The following VIPR2 variants were observed in gnomAD, a reference collection of about 807,000 sequenced individuals.
VIPR2 encodes the protein vasoactive intestinal peptide receptor 2, also known as vasoactive intestinal polypeptide receptor 2.
VIPR2 carries 48 observed loss-of-function variants against 58.0 expected under a neutral mutation model. That is an observed-to-expected ratio of 0.83 (90% CI 0.66 to 1.05). VIPR2 has a LOEUF of 1.05. VIPR2 is among the 50% of genes least tolerant of loss of function. VIPR2 has a pLI of 0.00. For missense variants in VIPR2, 534 were observed against 558.0 expected (o/e 0.96, Z 0.43); for synonymous variants, 243 against 235.2 (o/e 1.03, Z -0.30).
At chr7:159,044,323 A>G (rs986337808) in intron 5 of VIPR2, among the ~76,000 whole-genome samples, 3 of 152,308 alleles carry the variant, frequency 2.0e-5, no homozygotes, top group African/African-American at 7.2e-5. Flanking sequence ...AAACAGCTAC[A>G]ACCGGCAGCA....
intron 5 of VIPR2, among the ~76,000 whole-genome samples, chr7:159,051,075 G>A (rs1585366384): frequency 6.6e-6 from 1 of 152,180 alleles, no homozygotes; most frequent in Non-Finnish European, 1.5e-5. Context: ...ATTCACTGCT[G>A]GTGGGACTGT....
chr7:159,122,502 G>T (rs958484444), intron 2 of VIPR2, among the ~76,000 whole-genome samples: 18 of 152,156 alleles, frequency 1.2e-4, no homozygotes, highest in African/African-American at 4.1e-4. Context: ...AACAGGCCTG[G>T]CAACAAAGGA....
intron 4 of VIPR2, among the ~76,000 whole-genome samples, chr7:159,062,485 C>T (rs1166252048): frequency 6.6e-6 from 1 of 152,118 alleles, no homozygotes; most frequent in Non-Finnish European, 1.5e-5. Flanking sequence ...AAGCTGCAGA[C>T]CTTCACGGTG....
intron 4 of VIPR2, among the ~76,000 whole-genome samples, chr7:159,082,150 A>G (rs1856937669): frequency 6.6e-6 from 1 of 152,342 alleles, no homozygotes; most frequent in East Asian, 1.9e-4. Context: ...ATGCTGCTAT[A>G]AAGACACATG....
At chr7:159,045,351 C>G (rs1854581317) in intron 5 of VIPR2, among the ~76,000 whole-genome samples, 1 of 152,186 alleles carries the variant, frequency 6.6e-6, no homozygotes, top group Non-Finnish European at 1.5e-5. Flanking sequence ...TTCAAACTTA[C>G]TACAGACTAC....
intron 4 of VIPR2, among the ~76,000 whole-genome samples, chr7:159,075,193 TG>T (rs900663546): frequency 2.6e-5 from 4 of 152,198 alleles, no homozygotes; most frequent in Admixed American, 1.3e-4. Context: ...GACCTTTGCC[TG>T]TGAGTCAATG....
intron 4 of VIPR2, among the ~76,000 whole-genome samples, chr7:159,088,852 C>T (rs1293741998): frequency 2.8e-5 from 4 of 145,188 alleles, no homozygotes; most frequent in African/African-American, 5.0e-5. Context: ...TAGCCTCAGG[C>T]CTCAGCTCCT....
intron 4 of VIPR2, chr7:159,059,262 T>A (rs994696933): frequency 2.1e-6 from 1 of 470,906 alleles, no homozygotes; most frequent in Non-Finnish European, 4.4e-6. Flanking sequence ...CCAGTGCCTG[T>A]TGCGATAAAA....
chr7:159,084,369 G>C (rs1857064685), intron 4 of VIPR2, among the ~76,000 whole-genome samples: 1 of 152,222 alleles, frequency 6.6e-6, no homozygotes, highest in Non-Finnish European at 1.5e-5. Flanking sequence ...GCACGCTGGA[G>C]GGCAGTGCCG....
rs1464023296 is a variant in VIPR2 at position 159,093,924 on chromosome 7, TG to T, written c.357+9832del. 6.6e-6 allele frequency among the ~76,000 whole-genome samples: 1 copy of T among 152,150 alleles called. No individual in the cohort carries two copies. Among genetic ancestry groups the T allele is most frequent in the Non-Finnish European group, 1.5e-5 (1 of 68,018 alleles). On this transcript the variant is annotated intron_variant, in intron 4 of 12. Coordinates refer to ENST00000262178, the MANE Select transcript of VIPR2 (RefSeq NM_003382.5). The surrounding 1 kb of genome is among the most constrained non-coding windows in gnomAD (Gnocchi z 6.7). ...CCCTCGTGACTCCCTCTTTCAGGGC[TG>T]GTGGTCATGTCTGCGTGATGGAAAG... is the stretch of plus-strand genomic sequence containing the variant.
At chr7:159,081,801 G>T (rs1188441185) in intron 4 of VIPR2, among the ~76,000 whole-genome samples, 1 of 152,098 alleles carries the variant, frequency 6.6e-6, no homozygotes, top group Non-Finnish European at 1.5e-5. Flanking sequence ...AAAAGTGAGC[G>T]AAGGATATGA....
At chr7:159,032,515 G>T (rs1435654610) in intron 10 of VIPR2, among the ~76,000 whole-genome samples, 1 of 152,220 alleles carries the variant, frequency 6.6e-6, no homozygotes, top group African/African-American at 2.4e-5. Flanking sequence ...CCTGCAGCTC[G>T]TAACAGCTGG....
chr7:159,038,695 C>G lies in VIPR2; in HGVS notation c.598-1793G>C, dbSNP rs531524140. 4.6e-5 allele frequency among the ~76,000 whole-genome samples: 7 copies of G among 152,228 alleles called. No homozygotes were observed. The South Asian group carries it at 1.5e-3, about 32-fold the overall frequency. On this transcript the variant is annotated intron_variant, in intron 6 of 12. Coordinates refer to ENST00000262178, the MANE Select transcript of VIPR2 (RefSeq NM_003382.5). ...CATCTTAAACACAAGGAGTAAACTG[C>G]AGATGAACCAAGACACAAATGAACA... is the stretch of plus-strand genomic sequence containing the variant.
At chr7:159,040,127 G>A (rs1854232796) in intron 6 of VIPR2, among the ~76,000 whole-genome samples, 1 of 152,242 alleles carries the variant, frequency 6.6e-6, no homozygotes, top group African/African-American at 2.4e-5. Context: ...CACTGAGGAA[G>A]GGAGGTCTGG....
intron 4 of VIPR2, 51 bp downstream of exon 4, chr7:159,103,706 G>A (rs776696987): frequency 7.2e-7 from 1 of 1,383,848 alleles, no homozygotes; most frequent in Admixed American, 1.7e-5. Flanking sequence ...GGCTTCTGGT[G>A]CAGTGTTAGG....
chr7:159,122,943 G>A (rs559299368), intron 2 of VIPR2, among the ~76,000 whole-genome samples: 3 of 152,192 alleles, frequency 2.0e-5, no homozygotes, highest in Admixed American at 2.0e-4. Context: ...CATTGCCCAG[G>A]TATTAAACCC....
chr7:159,067,934 AG>A (rs1436053277), intron 4 of VIPR2, among the ~76,000 whole-genome samples: 2 of 152,256 alleles, frequency 1.3e-5, no homozygotes, highest in African/African-American at 4.8e-5. Flanking sequence ...CTGTCAGGGC[AG>A]GAAGGGCAGG....
At chr7:159,062,730 A>C (rs187513826) in intron 4 of VIPR2, among the ~76,000 whole-genome samples, 1,528 of 152,306 alleles carry the variant, frequency 0.01, 14 homozygotes, top group East Asian at 0.018. Flanking sequence ...GCCACAGCAC[A>C]TAAGGAGACC....
chr7:159,078,485 C>T (rs1235771685), intron 4 of VIPR2, among the ~76,000 whole-genome samples: 2 of 152,200 alleles, frequency 1.3e-5, no homozygotes, highest in East Asian at 3.8e-4. Context: ...TCCACCAGAT[C>T]TAAGAAGTTT....
Sources: gnomAD v4.1 joint callset for allele counts (sites outside exome capture counted in the v4.1 genomes callset) on GRCh38, gnomAD v4.1.1 for gene constraint, Gnocchi (gnomAD v3.1) non-coding constraint, MANE v1.5 for transcripts, NCBI Gene and HGNC (gene_info 2026-07-23, HGNC 2026-07-21) for gene names.